The following CRYL1 variants were observed in gnomAD, a reference collection of about 807,000 sequenced individuals.
CRYL1 encodes lambda-crystallin homolog.
Under a neutral mutation model 36.6 loss-of-function variants are expected in CRYL1, and 29 were observed. The observed-to-expected ratio is 0.79, with a 90% confidence interval of 0.59 to 1.08. CRYL1 has a LOEUF of 1.08. CRYL1 is among the 50% of genes least tolerant of loss of function. The probability of loss-of-function intolerance (pLI) is 0.00; values close to 1 mark genes in which losing one functional copy is unlikely to be tolerated. For synonymous variants in CRYL1, 152 were observed against 151.5 expected, an observed-to-expected ratio of 1.00 and a Z score of -0.02; for missense variants, 411 against 407.9, an observed-to-expected ratio of 1.01 and a Z score of -0.06.
chr13:20,459,946 C>T (rs2032773368), intron 3 of CRYL1, among the ~76,000 whole-genome samples: 1 of 152,186 alleles, frequency 6.6e-6, no homozygotes, highest in Non-Finnish European at 1.5e-5. Context: ...GTCTGCTTTC[C>T]TCCTGCCGAT....
intron 3 of CRYL1, among the ~76,000 whole-genome samples, chr13:20,473,752 A>G (rs1183592195): frequency 6.6e-6 from 1 of 152,246 alleles, no homozygotes; most frequent in Non-Finnish European, 1.5e-5. Flanking sequence ...ACAAAACAGG[A>G]AAAGCAAAAA....
chr13:20,485,217 C>T (rs1252199205), intron 3 of CRYL1, among the ~76,000 whole-genome samples: 1 of 152,018 alleles, frequency 6.6e-6, no homozygotes, highest in Non-Finnish European at 1.5e-5. Flanking sequence ...TGGGGTTTCA[C>T]CATGTTGCCC....
rs2033662042 is a variant in CRYL1 at position 20,499,263 on chromosome 13, T to C, written c.150-9767A>G. ...CTGGAGGCTGAGGTTAGAGGATTGC[T>C]TGAGCCCAGGGGGCAGAGACTGTAG... On this transcript the variant is annotated intron_variant, in intron 2 of 7. Coordinates refer to ENST00000298248, the MANE Select transcript of CRYL1 (RefSeq NM_015974.3). 2.0e-5 allele frequency among the ~76,000 whole-genome samples: 3 copies of C among 151,444 alleles called. No homozygotes were observed. The South Asian group carries it at 6.3e-4, about 32-fold the overall frequency.
intron 5 of CRYL1, chr13:20,431,420 T>C (rs2032056757): frequency 4.1e-6 from 4 of 985,266 alleles, no homozygotes; most frequent in Non-Finnish European, 4.8e-6. Flanking sequence ...GCAAGTGCCA[T>C]AAGGGAGGCC....
intron 3 of CRYL1, among the ~76,000 whole-genome samples, chr13:20,459,752 T>A (rs1442201908): frequency 6.6e-6 from 1 of 152,156 alleles, no homozygotes; most frequent in Non-Finnish European, 1.5e-5. Flanking sequence ...TTATGCTGAT[T>A]ACCGGGTGAC....
chr13:20,512,375 G>T, intron 2 of CRYL1, 68 bp downstream of exon 2: 1 of 1,120,172 alleles, frequency 8.9e-7, no homozygotes, highest in South Asian at 1.3e-5. Flanking sequence ...TTGAGGATAT[G>T]ACAAACAAGA....
intron 6 of CRYL1, among the ~76,000 whole-genome samples, chr13:20,408,194 G>A (rs1307885710): frequency 1.3e-5 from 2 of 152,216 alleles, no homozygotes; most frequent in Non-Finnish European, 2.9e-5. Flanking sequence ...GGTAGGGGAG[G>A]CAGAACCGAC....
intron 3 of CRYL1, among the ~76,000 whole-genome samples, chr13:20,459,043 G>A (rs563262992): frequency 6.6e-6 from 1 of 152,164 alleles, no homozygotes; most frequent in East Asian, 1.9e-4. Context: ...AGACCATCCT[G>A]GCTAACACGG....
intron 5 of CRYL1, among the ~76,000 whole-genome samples, chr13:20,429,046 A>C (rs2031995249): frequency 6.6e-6 from 1 of 152,188 alleles, no homozygotes; most frequent in East Asian, 1.9e-4. Context: ...AGGAGCAGTG[A>C]GTCCTAGTTG....
At chr13:20,424,877 T>TA (rs1013567429) in intron 5 of CRYL1, among the ~76,000 whole-genome samples, 10 of 151,576 alleles carry the variant, frequency 6.6e-5, no homozygotes, top group East Asian at 1.9e-4. Flanking sequence ...TGTTGTGTCT[T>TA]AAAAAAAAAT....
In CRYL1 at chr13:20,441,629, T is replaced by C. The variant is rs1401349122; in HGVS notation, c.277-1875A>G. On this transcript the variant is annotated intron_variant, in intron 3 of 7. Transcript: ENST00000298248. ...ATAAACACGAGCAGATAACAAGAAA[T>C]GTGCAAATGTGAAATTCAATGCTGA... 3.3e-5 allele frequency among the ~76,000 whole-genome samples: 5 copies of C among 152,158 alleles called. No homozygotes were observed. In the East Asian group the frequency reaches 9.6e-4, roughly 29 times the overall value.
At chr13:20,414,742 C>T (rs2031613277) in intron 5 of CRYL1, among the ~76,000 whole-genome samples, 1 of 152,202 alleles carries the variant, frequency 6.6e-6, no homozygotes, top group African/African-American at 2.4e-5. Context: ...ACCTGTGTTC[C>T]TTGGCCTCAC....
At chr13:20,480,027 GC>G (rs2033244546) in intron 3 of CRYL1, among the ~76,000 whole-genome samples, 1 of 152,120 alleles carries the variant, frequency 6.6e-6, no homozygotes, top group Non-Finnish European at 1.5e-5. Context: ...AGTCAAAATC[GC>G]AACACAGCTA....
At chr13:20,466,292 T>C (rs1372086111) in intron 3 of CRYL1, among the ~76,000 whole-genome samples, 3 of 151,874 alleles carry the variant, frequency 2.0e-5, no homozygotes, top group African/African-American at 7.3e-5. Context: ...CCACAAGAAA[T>C]AAAGGAAAAG....
intron 3 of CRYL1, among the ~76,000 whole-genome samples, chr13:20,483,353 G>A (rs1393937662): frequency 5.9e-5 from 9 of 151,848 alleles, no homozygotes; most frequent in African/African-American, 2.2e-4. Context: ...TTTTTAAGAC[G>A]GAGTCTCACT....
chr13:20,473,263 T>C (rs942791557), intron 3 of CRYL1, among the ~76,000 whole-genome samples: 4 of 152,316 alleles, frequency 2.6e-5, no homozygotes, highest in African/African-American at 9.6e-5. Context: ...AGACCCGCAG[T>C]CCCACTGTGC....
intron 4 of CRYL1, among the ~76,000 whole-genome samples, chr13:20,437,227 A>G (rs1377622752): frequency 6.6e-6 from 1 of 152,188 alleles, no homozygotes; most frequent in African/African-American, 2.4e-5. Context: ...AAAGGTCCAA[A>G]GATGGCTAAC....
At chr13:20,521,951 G>A (rs1360760007) in intron 1 of CRYL1, among the ~76,000 whole-genome samples, 1 of 152,124 alleles carries the variant, frequency 6.6e-6, no homozygotes, top group Non-Finnish European at 1.5e-5. Flanking sequence ...GACTCAAAAG[G>A]CAAGGAGGGC....
intron 3 of CRYL1, among the ~76,000 whole-genome samples, chr13:20,458,083 T>G (rs1593457531): frequency 6.6e-6 from 1 of 152,172 alleles, no homozygotes; most frequent in South Asian, 2.1e-4. Context: ...CATCACCAAA[T>G]AGGTCAAGGG....
Sources: allele counts gnomAD v4.1 joint callset (sites outside exome capture counted in the v4.1 genomes callset), GRCh38; gene constraint gnomAD v4.1.1; transcripts MANE v1.5; gene names NCBI Gene and HGNC (gene_info 2026-07-23, HGNC 2026-07-21).